Variants in KCNIP1 observed in about 807,000 individuals in gnomAD.
KCNIP1 encodes A-type potassium channel modulatory protein KCNIP1.
A neutral mutation model predicts 33.0 loss-of-function variants in KCNIP1; 18 were observed. The observed-to-expected ratio is 0.55, with a 90% confidence interval of 0.38 to 0.81. The LOEUF (loss-of-function observed/expected upper bound fraction) is 0.81, where lower values mean the gene tolerates loss of function less well. Ranked by LOEUF, KCNIP1 falls within the 30% of genes least tolerant of loss-of-function variation. KCNIP1 has a pLI of 0.00. For synonymous variants in KCNIP1, 93 were observed against 98.3 expected, an observed-to-expected ratio of 0.95 and a Z score of 0.32; for missense variants, 238 against 271.6, an observed-to-expected ratio of 0.88 and a Z score of 0.87.
At chr5:170,664,483 C>A (rs867873951) in intron 1 of KCNIP1, among the ~76,000 whole-genome samples, 1 of 152,110 alleles carries the variant, frequency 6.6e-6, no homozygotes, top group South Asian at 2.1e-4. Context: ...TCTGTACCCT[C>A]AGTATTTAGT....
intron 1 of KCNIP1, among the ~76,000 whole-genome samples, chr5:170,707,047 T>C (rs928188392): frequency 2.0e-5 from 3 of 151,668 alleles, no homozygotes; most frequent in African/African-American, 7.3e-5. Context: ...CTGAATTAGA[T>C]GAGAAAGAGT....
At chr5:170,659,903 C>T (rs928277278) in intron 1 of KCNIP1, among the ~76,000 whole-genome samples, 8 of 152,196 alleles carry the variant, frequency 5.3e-5, no homozygotes, top group African/African-American at 1.9e-4. Context: ...AATTTCCTGG[C>T]CCCTTGGAGC....
At chr5:170,640,748 C>T (rs1468526461) in intron 1 of KCNIP1, among the ~76,000 whole-genome samples, 1 of 152,160 alleles carries the variant, frequency 6.6e-6, no homozygotes, top group African/African-American at 2.4e-5. Context: ...TTAAGATCCT[C>T]GGCCCTTGCC....
In KCNIP1 at chr5:170,733,252, G is replaced by C. The variant is rs1287169864; in HGVS notation, c.540+348G>C. 2.0e-5 allele frequency among the ~76,000 whole-genome samples: 3 copies of C among 152,204 alleles called. No homozygotes were observed. In the East Asian group the frequency reaches 5.8e-4, roughly 29 times the overall value. On this transcript the variant is annotated intron_variant, in intron 6 of 7. Transcript: ENST00000328939. ...TAAGGGGAAATAAGATTGGAAACTA[G>C]GATAGGGCCAGATTATGAGACCTTT... is the stretch of plus-strand genomic sequence containing the variant.
chr5:170,555,324 C>A (rs1756807688), intron 1 of KCNIP1, among the ~76,000 whole-genome samples: 1 of 152,144 alleles, frequency 6.6e-6, no homozygotes, highest in East Asian at 1.9e-4. Context: ...GAGGTGGGCA[C>A]CATGCCCTCC....
Position 170,409,857 on chromosome 5 carries a change from T to C in KCNIP1, c.88+55893T>C, listed in dbSNP as rs865813390. Among the ~76,000 whole-genome samples, 8 of 152,354 alleles carry C rather than the reference T, an allele frequency of 5.3e-5. No individual in the cohort carries two copies. The Middle Eastern group carries it at 0.01, about 194-fold the overall frequency. ...TGGGCAACATAATGTATTTCTCCTCTGGGTTGTCATGAGCATTCAAGGGGT... is the reference window on the plus strand; with the variant it reads ...TGGGCAACATAATGTATTTCTCCTCCGGGTTGTCATGAGCATTCAAGGGGT... On this transcript the variant is annotated intron_variant, in intron 1 of 7. Transcript: ENST00000377360.
chr5:170,536,957 A>G (rs1756010698), intron 1 of KCNIP1, among the ~76,000 whole-genome samples: 1 of 152,140 alleles, frequency 6.6e-6, no homozygotes. Flanking sequence ...GCTCAGAAAA[A>G]TTATTACTGA....
chr5:170,525,380 G>A (rs1264550254), intron 1 of KCNIP1, among the ~76,000 whole-genome samples: 1 of 152,218 alleles, frequency 6.6e-6, no homozygotes, highest in Non-Finnish European at 1.5e-5. Flanking sequence ...GTGGATAAGC[G>A]ATAGAATCTG....
At chr5:170,687,957 T>C (rs747691893) in intron 1 of KCNIP1, among the ~76,000 whole-genome samples, 2 of 152,098 alleles carry the variant, frequency 1.3e-5, no homozygotes, top group Non-Finnish European at 2.9e-5. Context: ...AAAATAACAA[T>C]GCCAAGACTG....
upstream of KCNIP1, among the ~76,000 whole-genome samples, chr5:170,503,428 T>C (rs1023797064): frequency 7.0e-6 from 1 of 142,480 alleles, no homozygotes; most frequent in African/African-American, 2.6e-5. Flanking sequence ...AAAATGAGAG[T>C]GTAAGGGCCC....
intron 1 of KCNIP1, among the ~76,000 whole-genome samples, chr5:170,615,470 A>G (rs756709304): frequency 6.6e-6 from 1 of 152,202 alleles, no homozygotes; most frequent in East Asian, 1.9e-4. Context: ...TTCTGCAATC[A>G]TGGAGCTGGC....
intron 1 of KCNIP1, among the ~76,000 whole-genome samples, chr5:170,696,016 C>CAAAAAAAAAAAAAAAAAAAA (rs34474795): frequency 1.1e-5 from 1 of 93,968 alleles, no homozygotes; most frequent in African/African-American, 3.7e-5. Flanking sequence ...GACTCTGTCT[C>CAAAAAAAAAAAAAAAAAAAA]AAAAAAAAAA....
intron 1 of KCNIP1, among the ~76,000 whole-genome samples, chr5:170,572,445 G>A (rs895589823): frequency 6.6e-6 from 1 of 152,224 alleles, no homozygotes; most frequent in Non-Finnish European, 1.5e-5. Context: ...CCCTTCTTGC[G>A]CTCACAGTGC....
chr5:170,700,467 G>A (rs1375832344), intron 1 of KCNIP1, among the ~76,000 whole-genome samples: 1 of 152,216 alleles, frequency 6.6e-6, no homozygotes, highest in East Asian at 1.9e-4. Context: ...TACTCAGGAG[G>A]CTGAGATGAA....
At chr5:170,553,589 G>C (rs1373647263) in intron 1 of KCNIP1, among the ~76,000 whole-genome samples, 2 of 152,236 alleles carry the variant, frequency 1.3e-5, no homozygotes, top group African/African-American at 2.4e-5. Context: ...AGCATCTCTT[G>C]TACGCCCAGA....
At chr5:170,399,775 A>T (rs1023468396) in intron 1 of KCNIP1, among the ~76,000 whole-genome samples, 1 of 152,168 alleles carries the variant, frequency 6.6e-6, no homozygotes, top group African/African-American at 2.4e-5. Context: ...ATGTCATAAA[A>T]TGTTTTACTA....
chr5:170,666,161 G>A (rs1390939916), intron 1 of KCNIP1, among the ~76,000 whole-genome samples: 1 of 152,186 alleles, frequency 6.6e-6, no homozygotes, highest in East Asian at 1.9e-4. Context: ...TAAGAGATTT[G>A]TTTATATTAA....
chr5:170,366,869 T>G (rs1051584185), intron 1 of KCNIP1, among the ~76,000 whole-genome samples: 2 of 152,164 alleles, frequency 1.3e-5, no homozygotes, highest in African/African-American at 4.8e-5. Context: ...CCTCCTCCCT[T>G]CATCTCTGCA....
intron 1 of KCNIP1, among the ~76,000 whole-genome samples, chr5:170,518,088 G>A (rs1197762628): frequency 2.0e-5 from 3 of 150,756 alleles, no homozygotes; most frequent in African/African-American, 7.5e-5. Flanking sequence ...GTGGTGTGGT[G>A]GTAGTGATAG....
Sources: allele counts gnomAD v4.1 joint callset (sites outside exome capture counted in the v4.1 genomes callset), GRCh38; gene constraint gnomAD v4.1.1; transcripts MANE v1.5; gene names NCBI Gene and HGNC (gene_info 2026-07-23, HGNC 2026-07-21).